RUNX2: variants seen among roughly 807,000 people sequenced by gnomAD.
The protein encoded by RUNX2 is runt-related transcription factor 2.
A neutral mutation model predicts 51.7 loss-of-function variants in RUNX2; 10 were observed. The ratio of observed to expected loss-of-function variants is 0.19; its 90% CI spans 0.12 to 0.33. RUNX2 has a LOEUF of 0.33. Among genes scored for constraint, RUNX2 ranks in the 10% least tolerant of loss-of-function variants. RUNX2 has a pLI of 1.00. For synonymous variants in RUNX2, 276 were observed against 273.6 expected (o/e 1.01, Z -0.09); for missense variants, 562 against 691.3 (o/e 0.81, Z 2.10).
intron 7 of RUNX2, among the ~76,000 whole-genome samples, chr6:45,513,857 G>A (rs76229473): frequency 6.6e-5 from 10 of 152,168 alleles, no homozygotes; most frequent in African/African-American, 1.9e-4. Context: ...TTAAAGGTAC[G>A]GGAAAGGATG....
At chr6:45,401,307 T>G (rs968541364) in intron 2 of RUNX2, among the ~76,000 whole-genome samples, 4 of 152,224 alleles carry the variant, frequency 2.6e-5, no homozygotes, top group Admixed American at 1.3e-4. Context: ...AACAAAGACT[T>G]CCTTAAGAAT....
chr6:45,362,860 C>A (rs1794500698), intron 2 of RUNX2, among the ~76,000 whole-genome samples: 1 of 151,944 alleles, frequency 6.6e-6, no homozygotes, highest in African/African-American at 2.4e-5. Context: ...TAAAATGGCC[C>A]AAGGTCCATC....
In RUNX2 at chr6:45,418,317, G is replaced by A. The variant is rs1798107758; in HGVS notation, c.59-4276G>A. Among the ~76,000 whole-genome samples the A allele has an allele frequency of 3.3e-5, 5 of 152,128 alleles. No individual in the cohort carries two copies. In the South Asian group the frequency reaches 1.0e-3, roughly 32 times the overall value. On this transcript the variant is annotated intron_variant, in intron 2 of 8. Transcript: ENST00000647337. ...TTTCTTTGTCTAGAAAGTCAGAATT[G>A]TCAGGTGTTGTTACTAAACAGTTAT...
At chr6:45,430,239 A>G (rs1798504950) in intron 3 of RUNX2, among the ~76,000 whole-genome samples, 1 of 152,172 alleles carries the variant, frequency 6.6e-6, no homozygotes, top group South Asian at 2.1e-4. Context: ...CCTAGGAGTG[A>G]GTCCCTCAGC....
rs75380737 is a variant in RUNX2 at position 45,446,213 on chromosome 6, A to G, written c.685+8162A>G. ...CTTCCCTGGCTTCCCAGCTCTGAAT[A>G]TGCGTTTTCATTGTATTGGACTTGT... On this transcript the variant is annotated intron_variant, in intron 5 of 8. Transcript: ENST00000647337. Among the ~76,000 whole-genome samples the G allele has an allele frequency of 6.3e-3, 966 of 152,252 alleles. 9 individuals carry two copies. Among genetic ancestry groups the G allele is most frequent in the African/African-American group, 0.022 (903 of 41,536 alleles).
At chr6:45,395,357 C>T (rs56370408) in intron 2 of RUNX2, among the ~76,000 whole-genome samples, 2,474 of 152,230 alleles carry the variant, frequency 0.016, 77 homozygotes, top group African/African-American at 0.057. Flanking sequence ...GCTGAAGTCA[C>T]GCTGGTACTC....
chr6:45,414,754 C>CTTTTTT lies in RUNX2; in HGVS notation c.59-7814_59-7809dup, dbSNP rs34672680. ...ATCTCTCCACCTTCCCAGATCCTGG[C>CTTTTTT]TTTTTTTTTTTTTTTTTTTTTTTTT... is the stretch of plus-strand genomic sequence containing the variant. On this transcript the variant is annotated intron_variant, in intron 2 of 8. Transcript: ENST00000647337. Among the ~76,000 whole-genome samples, 34 of 33,446 alleles carry CTTTTTT rather than the reference C, an allele frequency of 1.0e-3. 4 individuals carry two copies. Among genetic ancestry groups the CTTTTTT allele is most frequent in the East Asian group, 4.8e-3 (4 of 830 alleles). 21.9% of individuals were successfully genotyped at this position (33,446 alleles called of 152,430 possible).
chr6:45,433,918 T>G (rs1263835724), intron 4 of RUNX2, among the ~76,000 whole-genome samples: 1 of 152,210 alleles, frequency 6.6e-6, no homozygotes, highest in Non-Finnish European at 1.5e-5. Context: ...TGATCTTAAC[T>G]GAAGAAAGTA....
intron 3 of RUNX2, among the ~76,000 whole-genome samples, chr6:45,429,426 A>G (rs1798475320): frequency 6.6e-6 from 1 of 152,232 alleles, no homozygotes; most frequent in South Asian, 2.1e-4. Flanking sequence ...CATTTTTGGC[A>G]TGGTGAATTT....
chr6:45,391,085 T>C (rs777305357), intron 2 of RUNX2, among the ~76,000 whole-genome samples: 1 of 152,214 alleles, frequency 6.6e-6, no homozygotes, highest in African/African-American at 2.4e-5. Context: ...AAAAATGGAC[T>C]TCTAAACAAA....
chr6:45,540,600 TA>T (rs1802191526), intron 7 of RUNX2, among the ~76,000 whole-genome samples: 2 of 152,174 alleles, frequency 1.3e-5, no homozygotes, highest in Admixed American at 6.5e-5. Flanking sequence ...TATACTAGTC[TA>T]AAAAAATTCA....
chr6:45,360,851 A>G (rs1794128876), intron 2 of RUNX2, among the ~76,000 whole-genome samples: 2 of 152,184 alleles, frequency 1.3e-5, no homozygotes, highest in African/African-American at 4.8e-5. Context: ...AGAGTTCCTC[A>G]TTCCCTCCTT....
Position 45,546,936 on chromosome 6 carries a change from T to C in RUNX2, c.1197T>C (p.Thr399=). ...NPRMHYPATF[T]YTPPVTSGMS... ...GAATGCACTATCCAGCCACCTTTACTTACACCCCGCCAGTCACCTCAGGCA... is the reference window on the plus strand; with the variant it reads ...GAATGCACTATCCAGCCACCTTTACCTACACCCCGCCAGTCACCTCAGGCA... Residue 399 remains threonine, a synonymous_variant, in exon 9 of 9, where the codon ACT becomes ACC. Coordinates refer to ENST00000647337, the MANE Select transcript of RUNX2 (RefSeq NM_001024630.4). 1.9e-6 allele frequency: 3 copies of C among 1,613,928 alleles called. No homozygotes were observed. Among genetic ancestry groups the C allele is most frequent in the Non-Finnish European group, 1.7e-6 (2 of 1,179,992 alleles).
At chr6:45,473,167 T>C (rs1799854997) in intron 5 of RUNX2, among the ~76,000 whole-genome samples, 1 of 152,214 alleles carries the variant, frequency 6.6e-6, no homozygotes, top group Admixed American at 6.5e-5. Flanking sequence ...AGGGATTTTA[T>C]TTTCCTATTC....
rs145046044 is a variant in RUNX2, at chr6:45,350,715, T to C, written c.58+21931T>C. Among the ~76,000 whole-genome samples, 11 of 152,262 alleles carry C rather than the reference T, an allele frequency of 7.2e-5. No homozygotes were observed. In the East Asian group the frequency reaches 2.1e-3, roughly 29 times the overall value. On this transcript the variant is annotated intron_variant, in intron 2 of 8. Coordinates refer to ENST00000647337, the MANE Select transcript of RUNX2 (RefSeq NM_001024630.4). ...TTTTAAAGGAAGCTTATAAAACACA[T>C]GAAAACAACAAAAAATTTTAAGGAT... is the stretch of plus-strand genomic sequence containing the variant.
At chr6:45,359,683 C>T (rs1354590852) in intron 2 of RUNX2, among the ~76,000 whole-genome samples, 1 of 152,072 alleles carries the variant, frequency 6.6e-6, no homozygotes, top group East Asian at 1.9e-4. Flanking sequence ...CTTTTGGTTA[C>T]TGATATGCCC....
chr6:45,547,683 C>CGCTT lies in RUNX2; in HGVS notation c.*379_*382dup, dbSNP rs1447970815. 6.5e-6 allele frequency: 2 copies of CGCTT among 307,246 alleles called. No individual in the cohort carries two copies. Among genetic ancestry groups the CGCTT allele is most frequent in the African/African-American group, 4.4e-5 (2 of 45,504 alleles). 19.0% of individuals were successfully genotyped at this position (307,246 alleles called of 1,614,324 possible). A position where few individuals can be genotyped will look rare whatever the true frequency, so the allele number is the denominator to read the frequency against. ...GGTTCAGGAGGGAGAAGAGCAAAGC[C>CGCTT]GCTTCCTCTCTGTGCTTTGAAACTT... On this transcript the variant is annotated 3_prime_UTR_variant, in exon 9 of 9. Transcript: ENST00000647337.
intron 5 of RUNX2, among the ~76,000 whole-genome samples, chr6:45,481,688 C>A (rs1449549261): frequency 6.6e-6 from 1 of 152,152 alleles, no homozygotes; most frequent in African/African-American, 2.4e-5. Flanking sequence ...TAAGCTTCTG[C>A]ACTTTTTCTT....
chr6:45,340,814 C>A (rs956067950), intron 2 of RUNX2, among the ~76,000 whole-genome samples: 26 of 151,894 alleles, frequency 1.7e-4, no homozygotes, highest in Admixed American at 1.6e-3. Context: ...TTAAAATAAT[C>A]TTGTATCATA....
Sources: gnomAD v4.1 joint callset for allele counts (sites outside exome capture counted in the v4.1 genomes callset) on GRCh38, gnomAD v4.1.1 for gene constraint, MANE v1.5 for transcripts, NCBI Gene and HGNC (gene_info 2026-07-23, HGNC 2026-07-21) for gene names.